ZNF490: variants seen among roughly 807,000 people sequenced by gnomAD.
The protein encoded by ZNF490 is zinc finger protein 490.
A neutral mutation model predicts 17.7 loss-of-function variants in ZNF490; 11 were observed. That is an observed-to-expected ratio of 0.62 (90% CI 0.39 to 1.03). The LOEUF (loss-of-function observed/expected upper bound fraction) is 1.03, where lower values mean the gene tolerates loss of function less well. Ranked by LOEUF, ZNF490 falls within the 50% of genes least tolerant of loss-of-function variation. The pLI is 0.00. For missense variants in ZNF490, 542 were observed against 643.4 expected (o/e 0.84, Z 1.71); for synonymous variants, 222 against 216.1 (o/e 1.03, Z -0.24).
At chr19:12,600,750 A>T (rs959294831) in intron 2 of ZNF490, among the ~76,000 whole-genome samples, 1 of 152,182 alleles carries the variant, frequency 6.6e-6, no homozygotes, top group Admixed American at 6.6e-5. Context: ...TCAGCTATAA[A>T]GCTCTAACAG....
chr19:12,601,342 T>C (rs1221047849), intron 2 of ZNF490, among the ~76,000 whole-genome samples: 1 of 151,250 alleles, frequency 6.6e-6, no homozygotes, highest in Non-Finnish European at 1.5e-5. Context: ...GAGCCGATAT[T>C]GCGCCATTGC....
Position 12,583,569 on chromosome 19 carries a change from C to G in ZNF490, c.163-13G>C. On this transcript the variant is annotated splice_polypyrimidine_tract_variant and intron_variant, in intron 2 of 4. Transcript: ENST00000311437. Reference sequence around the variant, plus strand: ...GGGAGATGGAGTCCTAAAACATCCCCCATGTGTGTTTAGGAGGAGGAGAGA... The same window carrying G: ...GGGAGATGGAGTCCTAAAACATCCCGCATGTGTGTTTAGGAGGAGGAGAGA... 10 of 1,577,448 alleles carry G rather than the reference C, an allele frequency of 6.3e-6. 1 individual carries two copies. Among genetic ancestry groups the G allele is most frequent in the Non-Finnish European group, 8.6e-6 (10 of 1,158,232 alleles).
chr19:12,588,984 C>T (rs936415190), intron 2 of ZNF490, among the ~76,000 whole-genome samples: 2 of 152,060 alleles, frequency 1.3e-5, no homozygotes, highest in African/African-American at 4.8e-5. Context: ...ACATATACCA[C>T]CAAAGAATGA....
rs1478028205 is a variant in ZNF490, at chr19:12,578,452, A to C, written c.*2033T>G. On this transcript the variant is annotated 3_prime_UTR_variant, in exon 5 of 5. Coordinates refer to ENST00000311437, the MANE Select transcript of ZNF490 (RefSeq NM_020714.3). Reference sequence around the variant, plus strand: ...CTGCTTCTTCAGTCTCTCACCTCAGAGCCACCTGCGGTTGCCACAGAGAAA... The same window carrying C: ...CTGCTTCTTCAGTCTCTCACCTCAGCGCCACCTGCGGTTGCCACAGAGAAA... 1 of 985,324 alleles carries C rather than the reference A, an allele frequency of 1.0e-6. No individual in the cohort carries two copies. Among genetic ancestry groups the C allele is most frequent in the African/African-American group, 1.7e-5 (1 of 57,230 alleles). The allele number at this position is 985,324 out of a possible 1,614,324, so 61.0% of individuals were successfully genotyped here. A position where few individuals can be genotyped will look rare whatever the true frequency, so the allele number is the denominator to read the frequency against.
intron 2 of ZNF490, chr19:12,597,299 C>T (rs1295289975): frequency 4.8e-6 from 2 of 419,920 alleles, no homozygotes; most frequent in Non-Finnish European, 9.8e-6. Context: ...TGTTCACACG[C>T]GCATTCAGAG....
At chr19:12,595,516 A>T (rs2022922108) in intron 2 of ZNF490, among the ~76,000 whole-genome samples, 1 of 151,478 alleles carries the variant, frequency 6.6e-6, no homozygotes, top group Non-Finnish European at 1.5e-5. Context: ...TTCCTTCTTT[A>T]ATCTTTCTCT....
intron 2 of ZNF490, among the ~76,000 whole-genome samples, chr19:12,590,037 C>G (rs1255633305): frequency 6.6e-6 from 1 of 151,872 alleles, no homozygotes; most frequent in African/African-American, 2.4e-5. Context: ...GCCTCAGCCT[C>G]CGGAGTAGCT....
chr19:12,600,485 G>C (rs2022989788), intron 2 of ZNF490, among the ~76,000 whole-genome samples: 2 of 152,090 alleles, frequency 1.3e-5, no homozygotes, highest in African/African-American at 4.8e-5. Context: ...ATAAAATGGA[G>C]TATGGCTTTC....
At chr19:12,581,771 CTTATA>C in intron 4 of ZNF490, 47 bp from the exon 5 acceptor site, 1 of 1,449,672 alleles carries the variant, frequency 6.9e-7, no homozygotes, top group Non-Finnish European at 9.3e-7. Context: ...TATTAATGAT[CTTATA>C]TTTATTAGCA....
rs934103212 is a variant in ZNF490, at chr19:12,580,756, T to G, written c.1319A>C (p.His440Pro). 6.2e-7 allele frequency: 1 copy of G among 1,614,110 alleles called. No individual in the cohort carries two copies. Residue 440 changes from histidine to proline, a missense_variant, in exon 5 of 5, where the codon CAT becomes CCT. Coordinates refer to ENST00000311437, the MANE Select transcript of ZNF490 (RefSeq NM_020714.3). ...STHFRIHERT[H>P]TREKPYECKQ... Reference sequence around the variant, plus strand: ...GCATTCATAGGGTTTCTCTCTAGTATGGGTTCTTTCATGGATTCGAAAGTG... The same window carrying G: ...GCATTCATAGGGTTTCTCTCTAGTAGGGGTTCTTTCATGGATTCGAAAGTG...
chr19:12,589,914 T>G (rs56788938), intron 2 of ZNF490, among the ~76,000 whole-genome samples: 5,992 of 32,236 alleles, frequency 0.19, 241 homozygotes, highest in African/African-American at 0.35. Context: ...ATGTATGTAT[T>G]TATTTATTTA....
At chr19:12,601,848 G>C (rs1414268147) in intron 2 of ZNF490, among the ~76,000 whole-genome samples, 1 of 151,590 alleles carries the variant, frequency 6.6e-6, no homozygotes, top group East Asian at 1.9e-4. Context: ...AAAAAAATTA[G>C]CCGGGCTTGG....
chr19:12,603,088 T>G (rs2023026209), intron 2 of ZNF490, among the ~76,000 whole-genome samples: 1 of 152,110 alleles, frequency 6.6e-6, no homozygotes, highest in Non-Finnish European at 1.5e-5. Flanking sequence ...CCCAGTTTGG[T>G]GGAAAAGAAA....
chr19:12,596,335 G>A (rs141041018), intron 2 of ZNF490, among the ~76,000 whole-genome samples: 1 of 150,502 alleles, frequency 6.6e-6, no homozygotes, highest in Non-Finnish European at 1.5e-5. Flanking sequence ...AATCTGTTTA[G>A]ATAAGGAATT....
Position 12,577,779 on chromosome 19 carries a change from T to C in ZNF490, c.*2706A>G. On this transcript the variant is annotated 3_prime_UTR_variant, in exon 5 of 5. Transcript: ENST00000311437. Reference sequence around the variant, plus strand: ...CGACCCGAGCGACACAAAGATCACTTCTGGGACCCACCCAGGGAGACTGTT... The same window carrying C: ...CGACCCGAGCGACACAAAGATCACTCCTGGGACCCACCCAGGGAGACTGTT... 1.0e-6 allele frequency: 1 copy of C among 985,512 alleles called. No homozygotes were observed. The highest frequency in any genetic ancestry group is 1.2e-6 in the Non-Finnish European group (1 of 830,012). 61.0% of individuals were successfully genotyped at this position (985,512 alleles called of 1,614,324 possible). A position where few individuals can be genotyped will look rare whatever the true frequency, so the allele number is the denominator to read the frequency against.
chr19:12,610,106 T>C (rs1234978812), intron 1 of ZNF490: 3 of 385,880 alleles, frequency 7.8e-6, no homozygotes, highest in Non-Finnish European at 1.0e-5. Context: ...GTCTCATAGA[T>C]CGTGATTGGT....
At chr19:12,607,787 G>A (rs1300169438) in intron 2 of ZNF490, among the ~76,000 whole-genome samples, 1 of 151,794 alleles carries the variant, frequency 6.6e-6, no homozygotes, top group African/African-American at 2.4e-5. Context: ...TGCAGACAGA[G>A]AAGCAGCAGC....
intron 2 of ZNF490, among the ~76,000 whole-genome samples, chr19:12,606,351 T>TC: frequency 6.6e-6 from 1 of 150,792 alleles, no homozygotes; most frequent in East Asian, 1.9e-4. Context: ...TTCTTTTTTT[T>TC]TTTTTTTTTT....
chr19:12,581,000 C>T lies in ZNF490; in HGVS notation c.1075G>A (p.Val359Ile), dbSNP rs1189506208. Residue 359 changes from valine (V) to isoleucine (I), a missense_variant, in exon 5 of 5, where the codon GTT becomes ATT. Transcript: ENST00000311437. ...CATTTCTTACATGTATAAGGTTGAA[C>T]TCCGGTGTGGGTTTTCACGTGTTTT... ...LRKHVKTHTGVQPYTCKKCGE... is the reference protein window; with the variant it reads ...LRKHVKTHTGIQPYTCKKCGE... 2 of 1,614,150 alleles carry T rather than the reference C, an allele frequency of 1.2e-6. No individual in the cohort carries two copies. Among genetic ancestry groups the T allele is most frequent in the East Asian group, 2.2e-5 (1 of 44,872 alleles).
Sources: gnomAD v4.1 joint callset for allele counts (sites outside exome capture counted in the v4.1 genomes callset) on GRCh38, gnomAD v4.1.1 for gene constraint, MANE v1.5 for transcripts, NCBI Gene and HGNC (gene_info 2026-07-23, HGNC 2026-07-21) for gene names.